The following KCNQ3 variants were observed in gnomAD, a reference collection of about 807,000 sequenced individuals.
KCNQ3 encodes potassium voltage-gated channel subfamily Q member 3.
KCNQ3 carries 30 observed loss-of-function variants against 92.5 expected under a neutral mutation model. The ratio of observed to expected loss-of-function variants is 0.32; its 90% CI spans 0.24 to 0.44. KCNQ3 has a LOEUF of 0.44. Among genes scored for constraint, KCNQ3 ranks in the 20% least tolerant of loss-of-function variants. The probability of loss-of-function intolerance (pLI) is 1.00; values close to 1 mark genes in which losing one functional copy is unlikely to be tolerated. For missense variants in KCNQ3, 913 were observed against 1,140.3 expected (o/e 0.80, Z 2.87); for synonymous variants, 450 against 468.8 (o/e 0.96, Z 0.52).
At chr8:132,135,210 T>C (rs1247327095) in intron 12 of KCNQ3, among the ~76,000 whole-genome samples, 4 of 152,228 alleles carry the variant, frequency 2.6e-5, no homozygotes, top group Admixed American at 6.5e-5. Context: ...CTAAGGATAA[T>C]AGCCTCCAGC....
intron 10 of KCNQ3, chr8:132,140,435 G>C (rs576072762): frequency 6.6e-5 from 30 of 451,996 alleles, no homozygotes; most frequent in Non-Finnish European, 1.2e-4. Flanking sequence ...GGCTAGCAGG[G>C]AGGAGAAGTG....
chr8:132,443,263 C>T (rs1256023349), intron 1 of KCNQ3, among the ~76,000 whole-genome samples: 1 of 151,312 alleles, frequency 6.6e-6, no homozygotes, highest in Non-Finnish European at 1.5e-5. Flanking sequence ...CTTCCACCCC[C>T]AGCACTACCA....
intron 1 of KCNQ3, among the ~76,000 whole-genome samples, chr8:132,235,422 G>A (rs1814782066): frequency 6.6e-6 from 1 of 152,150 alleles, no homozygotes; most frequent in Non-Finnish European, 1.5e-5. Context: ...AGAATTGCTT[G>A]AACCTGGGAG....
chr8:132,184,218 G>C (rs777674316), intron 3 of KCNQ3, 23 bp downstream of exon 3: 9 of 1,614,068 alleles, frequency 5.6e-6, no homozygotes, highest in Non-Finnish European at 7.6e-6. Context: ...GAGGAGGCTG[G>C]GAGGCTCAGG....
At position 132,329,010 on chromosome 8, in the gene KCNQ3, C is replaced by T. The variant is rs184304564; in HGVS notation, c.387-142829G>A. ...TCTTTACTATCACGTTCAGCAGGTA[C>T]GCGCTGAGTGCCTACTAAGTGCCAG... On this transcript the variant is annotated intron_variant, in intron 1 of 14. Coordinates refer to ENST00000388996, the MANE Select transcript of KCNQ3 (RefSeq NM_004519.4). Among the ~76,000 whole-genome samples, 150 of 152,296 alleles carry T rather than the reference C, an allele frequency of 9.8e-4. 1 individual carries two copies. Among genetic ancestry groups the T allele is most frequent in the Middle Eastern group, 3.4e-3 (1 of 294 alleles).
intron 1 of KCNQ3, among the ~76,000 whole-genome samples, chr8:132,388,199 C>T (rs2130766058): frequency 6.6e-6 from 1 of 152,122 alleles, no homozygotes; most frequent in African/African-American, 2.4e-5. Context: ...AATGATCATG[C>T]AAAAGATTCT....
intron 1 of KCNQ3, among the ~76,000 whole-genome samples, chr8:132,469,922 C>T (rs1426771985): frequency 2.0e-5 from 3 of 151,816 alleles, no homozygotes; most frequent in Non-Finnish European, 4.4e-5. Flanking sequence ...ACAGTAGTAC[C>T]TTCGTCTCAT....
intron 1 of KCNQ3, among the ~76,000 whole-genome samples, chr8:132,209,136 C>T (rs1052720984): frequency 1.3e-5 from 2 of 152,080 alleles, no homozygotes; most frequent in African/African-American, 4.8e-5. Context: ...GGTATTTGGG[C>T]TTCTAGACAC....
intron 1 of KCNQ3, among the ~76,000 whole-genome samples, chr8:132,293,197 G>C (rs1490214779): frequency 6.6e-6 from 1 of 152,138 alleles, no homozygotes; most frequent in Non-Finnish European, 1.5e-5. Flanking sequence ...CTGTAAATGT[G>C]TTTCCTGGAG....
intron 1 of KCNQ3, among the ~76,000 whole-genome samples, chr8:132,442,314 C>G (rs982471917): frequency 1.3e-5 from 2 of 152,184 alleles, no homozygotes; most frequent in East Asian, 1.9e-4. Context: ...CTGAGCTGTC[C>G]CAGGAGTATA....
chr8:132,392,898 T>G (rs1820088624), intron 1 of KCNQ3, among the ~76,000 whole-genome samples: 1 of 152,010 alleles, frequency 6.6e-6, no homozygotes, highest in South Asian at 2.1e-4. Context: ...ATCTTATATC[T>G]TAAGATAAAG....
At chr8:132,349,407 G>C (rs1469077919) in intron 1 of KCNQ3, among the ~76,000 whole-genome samples, 3 of 152,216 alleles carry the variant, frequency 2.0e-5, no homozygotes, top group Non-Finnish European at 4.4e-5. Flanking sequence ...CTTTACAGAT[G>C]ACGGGGGGAA....
At chr8:132,433,990 C>T (rs1002154835) in intron 1 of KCNQ3, among the ~76,000 whole-genome samples, 3 of 152,058 alleles carry the variant, frequency 2.0e-5, no homozygotes, top group African/African-American at 7.2e-5. Context: ...GGGCGGATCA[C>T]GAGGTCAGGA....
chr8:132,127,314 C>T lies in KCNQ3; in HGVS notation c.*1948G>A, dbSNP rs1284810515. The T allele has an allele frequency of 1.3e-5, 2 of 152,238 alleles. No individual in the cohort carries two copies. Among genetic ancestry groups the T allele is most frequent in the Admixed American group, 1.3e-4 (2 of 15,280 alleles). 9.4% of individuals were successfully genotyped at this position (152,238 alleles called of 1,614,324 possible). The stretch of plus-strand genomic sequence containing the variant: ...CATTTATGGGGCTCTCCATAAAAAA[C>T]ACCCTTCTGCTGCTCACAATGTCTG... On this transcript the variant is annotated 3_prime_UTR_variant, in exon 15 of 15. Coordinates refer to ENST00000388996, the MANE Select transcript of KCNQ3 (RefSeq NM_004519.4).
rs191606115 is a variant in KCNQ3 at position 132,226,007 on chromosome 8, C to G, written c.387-39826G>C. ...AGGATTTTGGCCAGGCATGGTGGCT[C>G]AAGCCTGTAATCCCAGCACTTTGGG... On this transcript the variant is annotated intron_variant, in intron 1 of 14. Coordinates refer to ENST00000388996, the MANE Select transcript of KCNQ3 (RefSeq NM_004519.4). Among the ~76,000 whole-genome samples the G allele has an allele frequency of 3.2e-4, 48 of 152,248 alleles. 1 individual carries two copies. In the East Asian group the frequency reaches 8.5e-3, roughly 27 times the overall value.
intron 1 of KCNQ3, among the ~76,000 whole-genome samples, chr8:132,347,682 A>C (rs573708557): frequency 1.3e-5 from 2 of 152,336 alleles, no homozygotes; most frequent in East Asian, 3.9e-4. Flanking sequence ...TATCCAGGTA[A>C]AAAGAGGAAA....
At chr8:132,216,777 C>T (rs1814045228) in intron 1 of KCNQ3, among the ~76,000 whole-genome samples, 1 of 152,104 alleles carries the variant, frequency 6.6e-6, no homozygotes. Context: ...AGCTCATAGT[C>T]CTCTCTGACA....
intron 1 of KCNQ3, among the ~76,000 whole-genome samples, chr8:132,293,605 T>C (rs1034234098): frequency 1.3e-5 from 2 of 151,936 alleles, no homozygotes; most frequent in Non-Finnish European, 2.9e-5. Flanking sequence ...TGAGAATGAG[T>C]CATCAGTCCC....
intron 1 of KCNQ3, among the ~76,000 whole-genome samples, chr8:132,231,240 TATA>T (rs1814637193): frequency 6.6e-6 from 1 of 152,216 alleles, no homozygotes; most frequent in African/African-American, 2.4e-5. Flanking sequence ...AGGGCTGTGA[TATA>T]ATAACTGTCT....
Sources: gnomAD v4.1 joint callset for allele counts (sites outside exome capture counted in the v4.1 genomes callset) on GRCh38, gnomAD v4.1.1 for gene constraint, MANE v1.5 for transcripts, NCBI Gene and HGNC (gene_info 2026-07-23, HGNC 2026-07-21) for gene names.